ANK3: variants seen among roughly 807,000 people sequenced by gnomAD.
ANK3 encodes the protein ankyrin-3.
ANK3 carries 57 observed loss-of-function variants against 370.9 expected under a neutral mutation model. The ratio of observed to expected loss-of-function variants is 0.15; its 90% confidence interval spans 0.12 to 0.19. ANK3 has a LOEUF of 0.19. ANK3 is among the 10% of genes least tolerant of loss of function. The probability of loss-of-function intolerance (pLI) is 1.00; values close to 1 mark genes in which losing one functional copy is unlikely to be tolerated. For missense variants in ANK3, 4,439 were observed against 5,302.1 expected (o/e 0.84, Z 5.06); for synonymous variants, 1,929 against 1,946.3 (o/e 0.99, Z 0.23).
intron 1 of ANK3, among the ~76,000 whole-genome samples, chr10:60,639,754 C>T (rs2119912): frequency 6.6e-6 from 1 of 151,736 alleles, no homozygotes; most frequent in East Asian, 1.9e-4. Context: ...GAGATAAAAC[C>T]GAATCCTTAA....
At chr10:60,687,638 T>C (rs1014635127) in intron 1 of ANK3, among the ~76,000 whole-genome samples, 1 of 152,116 alleles carries the variant, frequency 6.6e-6, no homozygotes, top group African/African-American at 2.4e-5. Context: ...ACAACGGCTA[T>C]GGAAAACAGT....
chr10:60,466,993 A>G (rs1214383506), intron 2 of ANK3, among the ~76,000 whole-genome samples: 1 of 152,174 alleles, frequency 6.6e-6, no homozygotes, highest in Admixed American at 6.6e-5. Context: ...CTGGAATTAG[A>G]TAGTAGTGAC....
chr10:60,335,429 G>C (rs2052590357), intron 1 of ANK3, among the ~76,000 whole-genome samples: 1 of 151,934 alleles, frequency 6.6e-6, no homozygotes, highest in African/African-American at 2.4e-5. Flanking sequence ...TTCTTTTCTA[G>C]ACCATCTATA....
chr10:60,293,004 C>G (rs2041779770), intron 1 of ANK3, among the ~76,000 whole-genome samples: 6 of 152,158 alleles, frequency 3.9e-5, no homozygotes, highest in Admixed American at 3.9e-4. Flanking sequence ...CCACCAAGCC[C>G]CGCCCAGGGT....
chr10:60,393,251 A>G (rs2063149890), upstream of ANK3, among the ~76,000 whole-genome samples: 1 of 152,206 alleles, frequency 6.6e-6, no homozygotes, highest in Non-Finnish European at 1.5e-5. Context: ...TCCAGAAGGC[A>G]GCTTTGGTGA....
chr10:60,150,860 A>G (rs1440687601), intron 23 of ANK3, among the ~76,000 whole-genome samples: 1 of 152,172 alleles, frequency 6.6e-6, no homozygotes, highest in Admixed American at 6.5e-5. Flanking sequence ...ATATATATAA[A>G]TTATCCAGTC....
chr10:60,340,947 C>T (rs2054150754), intron 1 of ANK3, among the ~76,000 whole-genome samples: 1 of 152,116 alleles, frequency 6.6e-6, no homozygotes, highest in Non-Finnish European at 1.5e-5. Context: ...AAAAAACTTG[C>T]CCAAGTTTTC....
intron 2 of ANK3, among the ~76,000 whole-genome samples, chr10:60,599,419 T>C (rs1385437162): frequency 1.3e-5 from 2 of 152,224 alleles, no homozygotes; most frequent in Non-Finnish European, 2.9e-5. Context: ...TAATTAAAAA[T>C]ATAAAGTCAA....
intron 1 of ANK3, among the ~76,000 whole-genome samples, chr10:60,641,334 G>A (rs2078629682): frequency 6.6e-6 from 1 of 151,792 alleles, no homozygotes; most frequent in Non-Finnish European, 1.5e-5. Context: ...TCAATCCTAA[G>A]CCAAAAGAAC....
chr10:60,719,305 T>C (rs1368292888), intron 1 of ANK3, among the ~76,000 whole-genome samples: 1 of 152,156 alleles, frequency 6.6e-6, no homozygotes, highest in Non-Finnish European at 1.5e-5. Context: ...GTAATAAGCA[T>C]CCTTGTAAAT....
intron 5 of ANK3, among the ~76,000 whole-genome samples, chr10:60,267,841 A>G (rs1212451127): frequency 6.6e-6 from 1 of 152,216 alleles, no homozygotes; most frequent in Non-Finnish European, 1.5e-5. Flanking sequence ...AGTACTTAAT[A>G]TTTCCATCCA....
chr10:60,318,947 A>G (rs2132880906), intron 1 of ANK3, among the ~76,000 whole-genome samples: 1 of 152,284 alleles, frequency 6.6e-6, no homozygotes, highest in Non-Finnish European at 1.5e-5. Flanking sequence ...GGTTGCTGTG[A>G]TCCTAAGTAT....
chr10:60,357,094 C>T (rs2057878500), intron 1 of ANK3, among the ~76,000 whole-genome samples: 2 of 152,162 alleles, frequency 1.3e-5, no homozygotes, highest in South Asian at 4.2e-4. Context: ...CATTCCATGG[C>T]CCATCGTTTT....
chr10:60,609,871 A>G (rs1017691905), intron 2 of ANK3, among the ~76,000 whole-genome samples: 1 of 152,138 alleles, frequency 6.6e-6, no homozygotes, highest in Non-Finnish European at 1.5e-5. Context: ...AATTGTGCCT[A>G]ACTATATTTT....
chr10:60,352,908 G>GA (rs1352836311), intron 1 of ANK3, among the ~76,000 whole-genome samples: 1 of 151,898 alleles, frequency 6.6e-6, no homozygotes, highest in Admixed American at 6.5e-5. Context: ...GAGAGGGAGG[G>GA]AAAAAAGAGG....
In ANK3 at chr10:60,389,608, T is replaced by G. The variant is rs2062920866; in HGVS notation, c.-70A>C. On this transcript the variant is annotated 5_prime_UTR_variant, in exon 1 of 44. Transcript: ENST00000280772. ...AAAAGGTGATATCCTCAGGCACCTC[T>G]AATCAGGCTTACAGCAGCATTCCAA... The G allele has an allele frequency of 1.3e-6, 2 of 1,589,302 alleles. No individual in the cohort carries two copies. The highest frequency in any genetic ancestry group is 1.7e-6 in the Non-Finnish European group (2 of 1,171,448).
chr10:60,670,907 T>A (rs1372711), intron 1 of ANK3, among the ~76,000 whole-genome samples: 6,204 of 152,284 alleles, frequency 0.041, 160 homozygotes, highest in Middle Eastern at 0.071. Context: ...ATTTTCCTTC[T>A]TCTTCTGACC....
Position 60,072,963 on chromosome 10 carries a change from G to A in ANK3, c.7918C>T (p.Leu2640=), listed in dbSNP as rs1379389468. The part of the protein sequence containing the change: ...SPEKVLLTEL[L]ASNDEWVKAR... ...TTAACCCACTCATCATTGGATGCCAGCAGTTCTGTCAGTAGCACTTTCTCA... is the reference window on the plus strand; with the variant it reads ...TTAACCCACTCATCATTGGATGCCAACAGTTCTGTCAGTAGCACTTTCTCA... Residue 2640 remains leucine, a synonymous_variant, in exon 37 of 44, where the codon CTG becomes TTG. Coordinates refer to ENST00000280772, the MANE Select transcript of ANK3 (RefSeq NM_020987.5). 3.1e-6 allele frequency: 5 copies of A among 1,613,958 alleles called. No individual in the cohort carries two copies. Among genetic ancestry groups the A allele is most frequent in the Middle Eastern group, 1.6e-4 (1 of 6,082 alleles).
chr10:60,128,070 T>C (rs2093861979), intron 25 of ANK3, among the ~76,000 whole-genome samples: 1 of 152,204 alleles, frequency 6.6e-6, no homozygotes, highest in Admixed American at 6.5e-5. Context: ...AATAAAAGAC[T>C]TTATTAGGAT....
Sources: gnomAD v4.1 joint callset for allele counts (sites outside exome capture counted in the v4.1 genomes callset) on GRCh38, gnomAD v4.1.1 for gene constraint, MANE v1.5 for transcripts, NCBI Gene and HGNC (gene_info 2026-07-23, HGNC 2026-07-21) for gene names.